The following AK4 variants were observed in gnomAD, a reference collection of about 807,000 sequenced individuals.
The protein encoded by AK4 is adenylate kinase 4.
Under a neutral mutation model 24.6 loss-of-function variants are expected in AK4, and 13 were observed. The observed-to-expected ratio is 0.53, with a 90% CI of 0.34 to 0.84. The LOEUF is 0.84. Ranked by LOEUF, AK4 falls within the 40% of genes least tolerant of loss-of-function variation. AK4 has a pLI of 0.01. For missense variants in AK4, 192 were observed against 288.2 expected (o/e 0.67, Z 2.42); for synonymous variants, 88 against 107.0 (o/e 0.82, Z 1.10).
At chr1:65,203,277 A>T (rs941079301) in intron 2 of AK4, among the ~76,000 whole-genome samples, 5 of 152,170 alleles carry the variant, frequency 3.3e-5, no homozygotes, top group Non-Finnish European at 5.9e-5. Context: ...TAACAAATGT[A>T]AAACTCTTAG....
chr1:65,216,016 AG>A (rs1430787068), intron 2 of AK4, among the ~76,000 whole-genome samples: 1 of 152,238 alleles, frequency 6.6e-6, no homozygotes. Flanking sequence ...GTCTTAGAAG[AG>A]GGATCTCTAA....
rs1652661208 is a variant in AK4, at chr1:65,231,963, G to A, written c.*5786G>A. 6.6e-6 allele frequency: 1 copy of A among 152,132 alleles called. No individual in the cohort carries two copies. Among genetic ancestry groups the A allele is most frequent in the Non-Finnish European group, 1.5e-5 (1 of 68,032 alleles). 9.4% of individuals were successfully genotyped at this position (152,132 alleles called of 1,614,324 possible). On this transcript the variant is annotated 3_prime_UTR_variant, in exon 5 of 5. Transcript: ENST00000327299. ...ATGAGTCAGAGTGCTTTTCCTCGGT[G>A]GGACAGTTGCTGGCCCTCTTAATTT...
At chr1:65,201,641 G>C (rs562333903) in intron 2 of AK4, among the ~76,000 whole-genome samples, 5 of 152,308 alleles carry the variant, frequency 3.3e-5, no homozygotes, top group Non-Finnish European at 7.3e-5. Flanking sequence ...CGCACAAATG[G>C]TTGCAGAATA....
intron 2 of AK4, among the ~76,000 whole-genome samples, chr1:65,206,580 T>C (rs574792539): frequency 6.6e-6 from 1 of 152,230 alleles, no homozygotes; most frequent in South Asian, 2.1e-4. Context: ...TGTGCGTGTG[T>C]GCACGTGCGT....
At chr1:65,156,690 G>T (rs1299127038) in intron 1 of AK4, among the ~76,000 whole-genome samples, 1 of 152,066 alleles carries the variant, frequency 6.6e-6, no homozygotes, top group Non-Finnish European at 1.5e-5. Context: ...TTGGGAGGCT[G>T]AGGCGGGCAG....
At position 65,228,035 on chromosome 1, in the gene AK4, T is replaced by C. The variant is rs1193584626; in HGVS notation, c.*1858T>C. The stretch of plus-strand genomic sequence containing the variant: ...AGCACTTTAGAATTTAGAGTTGCAA[T>C]TGAATGCCAGCTGTGGAGATGGGGT... On this transcript the variant is annotated 3_prime_UTR_variant, in exon 5 of 5. Coordinates refer to ENST00000327299, the MANE Select transcript of AK4 (RefSeq NM_013410.4). The C allele has an allele frequency of 1.3e-5, 2 of 148,474 alleles. No individual in the cohort carries two copies. Among genetic ancestry groups the C allele is most frequent in the African/African-American group, 5.0e-5 (2 of 40,352 alleles). 9.2% of individuals were successfully genotyped at this position (148,474 alleles called of 1,614,324 possible).
chr1:65,194,916 G>T (rs1183963758), intron 2 of AK4, among the ~76,000 whole-genome samples: 1 of 152,116 alleles, frequency 6.6e-6, no homozygotes, highest in African/African-American at 2.4e-5. Context: ...CCATTACTTG[G>T]TTCCAAAGCT....
At chr1:65,157,648 G>A (rs966352454) in intron 1 of AK4, among the ~76,000 whole-genome samples, 2 of 152,074 alleles carry the variant, frequency 1.3e-5, no homozygotes, top group African/African-American at 4.8e-5. Context: ...AATTAGCTGG[G>A]TGTGGTTTTA....
intron 1 of AK4, among the ~76,000 whole-genome samples, chr1:65,157,140 C>T (rs1183487554): frequency 6.6e-6 from 1 of 152,088 alleles, no homozygotes; most frequent in Non-Finnish European, 1.5e-5. Flanking sequence ...TTCATTCAGT[C>T]TTTGGTGCTA....
At chr1:65,169,348 G>A (rs1352413010) in intron 1 of AK4, among the ~76,000 whole-genome samples, 1 of 152,082 alleles carries the variant, frequency 6.6e-6, no homozygotes, top group Non-Finnish European at 1.5e-5. Flanking sequence ...TTCCAGAACT[G>A]TATTGATTTA....
chr1:65,204,002 T>C (rs1326810170), intron 2 of AK4, among the ~76,000 whole-genome samples: 1 of 152,004 alleles, frequency 6.6e-6, no homozygotes, highest in African/African-American at 2.4e-5. Context: ...CTGTAATACA[T>C]GATCACTATA....
chr1:65,198,919 A>G (rs1243553897), intron 2 of AK4, among the ~76,000 whole-genome samples: 1 of 151,910 alleles, frequency 6.6e-6, no homozygotes, highest in African/African-American at 2.4e-5. Context: ...CTACAAAAAT[A>G]TAGAAAAATT....
intron 1 of AK4, among the ~76,000 whole-genome samples, chr1:65,178,979 C>A (rs1650813228): frequency 6.6e-6 from 1 of 152,036 alleles, no homozygotes; most frequent in Admixed American, 6.6e-5. Context: ...AGCAAGGGAG[C>A]GACTTGTGCC....
At position 65,170,833 on chromosome 1, in the gene AK4, T is replaced by C. The variant is rs371959778; in HGVS notation, c.146-19877T>C. ...TTGCAGAATCAGCTATTTAAAGCTT[T>C]GTTCTTGATAGTTCAAGTGTTACGC... is the stretch of plus-strand genomic sequence containing the variant. On this transcript the variant is annotated intron_variant, in intron 1 of 4. Coordinates refer to ENST00000327299, the MANE Select transcript of AK4 (RefSeq NM_013410.4). Among the ~76,000 whole-genome samples, 42 of 152,370 alleles carry C rather than the reference T, an allele frequency of 2.8e-4. 1 individual carries two copies. Among genetic ancestry groups the C allele is most frequent in the African/African-American group, 1.0e-3 (42 of 41,584 alleles).
Position 65,148,570 on chromosome 1 carries a change from C to T in AK4, c.145+18C>T, listed in dbSNP as rs772649102. 3 of 1,588,208 alleles carry T rather than the reference C, an allele frequency of 1.9e-6. No individual in the cohort carries two copies. The highest frequency in any genetic ancestry group is 3.5e-4 in the Middle Eastern group (2 of 5,788). The stretch of plus-strand genomic sequence containing the variant: ...CAGCACCGGTGAGGGGCTGCGGGGA[C>T]GAGGGCCGGGGGCGAGCCGCGTTGG... On this transcript the variant is annotated intron_variant, in intron 1 of 4. Transcript: ENST00000327299.
rs913224528 is a variant in AK4 at position 65,148,498 on chromosome 1, C to T, written c.91C>T (p.Leu31Phe). 1.3e-6 allele frequency: 2 copies of T among 1,589,278 alleles called. No homozygotes were observed. Among genetic ancestry groups the T allele is most frequent in the Non-Finnish European group, 1.7e-6 (2 of 1,168,336 alleles). ...VCQRIAQNFG[L>F]QHLSSGHFLR... Reference sequence around the variant, plus strand: ...CCAGAGGATCGCCCAGAACTTTGGTCTCCAGCATCTCTCCAGCGGCCACTT... The same window carrying T: ...CCAGAGGATCGCCCAGAACTTTGGTTTCCAGCATCTCTCCAGCGGCCACTT... Residue 31 changes from leucine (L) to phenylalanine (F), a missense_variant, in exon 1 of 5, where the codon CTC (leucine) becomes TTC (phenylalanine). Leu to Phe is a conservative substitution (Grantham distance 22). Transcript: ENST00000327299.
intron 1 of AK4, among the ~76,000 whole-genome samples, chr1:65,172,063 G>GTGTATATATA (rs1433940516): frequency 4.6e-5 from 3 of 65,746 alleles, no homozygotes; most frequent in Non-Finnish European, 1.2e-4. Context: ...TCCATCTCAA[G>GTGTATATATA]TATATATATA....
chr1:65,203,255 G>C (rs1485872007), intron 2 of AK4, among the ~76,000 whole-genome samples: 1 of 152,090 alleles, frequency 6.6e-6, no homozygotes, highest in Non-Finnish European at 1.5e-5. Flanking sequence ...GCATAGGTTT[G>C]TGAGGATTGA....
Position 65,173,128 on chromosome 1 carries a change from T to G in AK4, c.146-17582T>G, listed in dbSNP as rs1570087739. Among the ~76,000 whole-genome samples, 5 of 152,236 alleles carry G rather than the reference T, an allele frequency of 3.3e-5. 1 individual carries two copies. The highest frequency in any genetic ancestry group is 3.3e-4 in the Admixed American group (5 of 15,282). ...ATCCACCTGACTTGGCCTCCCAAAG[T>G]GCTGGGATTGCAGGCGTGAGTCACT... On this transcript the variant is annotated intron_variant, in intron 1 of 4. Transcript: ENST00000327299.
Sources: allele counts gnomAD v4.1 joint callset (sites outside exome capture counted in the v4.1 genomes callset), GRCh38; gene constraint gnomAD v4.1.1; transcripts MANE v1.5; gene names NCBI Gene and HGNC (gene_info 2026-07-23, HGNC 2026-07-21).